The following OLFM2 variants were observed in gnomAD, a reference collection of about 807,000 sequenced individuals.
OLFM2 encodes the protein noelin-2.
Under a neutral mutation model 43.9 loss-of-function variants are expected in OLFM2, and 20 were observed. That is an observed-to-expected ratio of 0.46 (90% CI 0.32 to 0.66). OLFM2 has a LOEUF of 0.66. Ranked by LOEUF, OLFM2 falls within the 30% of genes least tolerant of loss-of-function variation. OLFM2 has a pLI of 0.04. For synonymous variants in OLFM2, 268 were observed against 278.6 expected, an observed-to-expected ratio of 0.96 and a Z score of 0.38; for missense variants, 416 against 643.6, an observed-to-expected ratio of 0.65 and a Z score of 3.83.
intron 1 of OLFM2, among the ~76,000 whole-genome samples, chr19:9,878,600 T>C (rs2046512556): frequency 1.3e-5 from 2 of 152,160 alleles, no homozygotes; most frequent in Admixed American, 1.3e-4. Flanking sequence ...GAGATGACCC[T>C]GTCGGCATTT....
chr19:9,904,945 G>A (rs867993811), intron 1 of OLFM2, among the ~76,000 whole-genome samples: 1 of 152,014 alleles, frequency 6.6e-6, no homozygotes, highest in Non-Finnish European at 1.5e-5. Context: ...CTTGAACACA[G>A]GACGTCGAGG....
chr19:9,913,309 G>A (rs369890578), intron 1 of OLFM2, among the ~76,000 whole-genome samples: 2 of 152,092 alleles, frequency 1.3e-5, no homozygotes, highest in Non-Finnish European at 2.9e-5. Context: ...CTGCCTCCAC[G>A]TCCGACCCTG....
chr19:9,901,000 G>GGAA (rs2046731116), intron 1 of OLFM2, among the ~76,000 whole-genome samples: 1 of 23,772 alleles, frequency 4.2e-5, no homozygotes, highest in African/African-American at 2.6e-4. Flanking sequence ...GGGAGGGAGG[G>GGAA]GGGAGGGAGG....
intron 1 of OLFM2, among the ~76,000 whole-genome samples, chr19:9,911,553 C>T (rs967871241): frequency 6.6e-6 from 1 of 152,002 alleles, no homozygotes; most frequent in African/African-American, 2.4e-5. Flanking sequence ...ACAAGGCAGG[C>T]ACACACACAC....
chr19:9,859,905 G>T (rs1363959524), intron 2 of OLFM2, among the ~76,000 whole-genome samples: 1 of 152,172 alleles, frequency 6.6e-6, no homozygotes, highest in African/African-American at 2.4e-5. Context: ...ACTTTGGGAG[G>T]CCAAGACAGG....
At chr19:9,910,682 C>T (rs978774930) in intron 1 of OLFM2, among the ~76,000 whole-genome samples, 1 of 151,868 alleles carries the variant, frequency 6.6e-6, no homozygotes, top group South Asian at 2.1e-4. Context: ...ATGGATAATG[C>T]ATGCATGGAG....
chr19:9,855,956 T>G (rs1222316443), intron 5 of OLFM2, among the ~76,000 whole-genome samples: 2 of 152,194 alleles, frequency 1.3e-5, no homozygotes, highest in African/African-American at 4.8e-5. Context: ...ATTGGGTGGT[T>G]AGTGGTCACT....
chr19:9,878,443 G>A (rs1466804098), intron 1 of OLFM2, among the ~76,000 whole-genome samples: 3 of 130,310 alleles, frequency 2.3e-5, no homozygotes, highest in East Asian at 2.3e-4. Flanking sequence ...GGGCTGGAGT[G>A]CAATGGCACA....
chr19:9,927,842 A>T (rs1029109488), intron 1 of OLFM2, among the ~76,000 whole-genome samples: 3 of 151,954 alleles, frequency 2.0e-5, no homozygotes, highest in Admixed American at 6.6e-5. Context: ...GAGGCGGATC[A>T]CTTGAGGTCA....
Position 9,859,305 on chromosome 19 carries a change from T to TTTTATTTATTTA in OLFM2, c.213+1328_213+1339dup, listed in dbSNP as rs71188843. On this transcript the variant is annotated intron_variant, in intron 2 of 5. Coordinates refer to ENST00000264833, the MANE Select transcript of OLFM2 (RefSeq NM_058164.4). ...ATTCCAGAAATCAACAATTTGTAAG[T>TTTTATTTATTTA]TTTATTTATTTATTTATTTATTTAT... Among the ~76,000 whole-genome samples, 119 of 150,256 alleles carry TTTTATTTATTTA rather than the reference T, an allele frequency of 7.9e-4. 1 individual carries two copies. Among genetic ancestry groups the TTTTATTTATTTA allele is most frequent in the Middle Eastern group, 3.4e-3 (1 of 290 alleles).
intron 1 of OLFM2, among the ~76,000 whole-genome samples, chr19:9,908,315 C>T (rs1372505935): frequency 6.6e-6 from 1 of 151,302 alleles, no homozygotes; most frequent in Non-Finnish European, 1.5e-5. Context: ...TCCTCTTTTT[C>T]TTTTTTTTGA....
chr19:9,894,726 A>T (rs1034000568), intron 1 of OLFM2, among the ~76,000 whole-genome samples: 28 of 152,072 alleles, frequency 1.8e-4, no homozygotes, highest in Non-Finnish European at 2.9e-4. Flanking sequence ...ATAAAAAATT[A>T]AAAAAATACA....
intron 1 of OLFM2, among the ~76,000 whole-genome samples, chr19:9,924,581 A>G (rs1458421632): frequency 2.0e-5 from 3 of 152,122 alleles, no homozygotes; most frequent in Admixed American, 1.3e-4. Flanking sequence ...CAGTCACCCA[A>G]CCCTGTTGAG....
rs1568366349 is a variant in OLFM2 at position 9,857,728 on chromosome 19, GCCGAGAGGGA to G, written c.337_346del (p.Ser113ProfsTer7). ...AGGAGGACCCACCTGGAAGCTCTTG[GCCGAGAGGGA>G]CCCATCAGCTGCCCGGAGCCGCGCA... On this transcript the variant is annotated frameshift_variant, in exon 3 of 6. Coordinates refer to ENST00000264833, the MANE Select transcript of OLFM2 (RefSeq NM_058164.4). LOFTEE classifies it high-confidence loss of function. This position sits in a 1 kb window ranked among gnomAD's most constrained non-coding sequence, Gnocchi z 5.7. 4.3e-6 allele frequency: 7 copies of G among 1,614,152 alleles called. No homozygotes were observed. Among genetic ancestry groups the G allele is most frequent in the Non-Finnish European group, 5.9e-6 (7 of 1,180,024 alleles).
At chr19:9,915,880 A>G (rs1421956900) in intron 1 of OLFM2, among the ~76,000 whole-genome samples, 1 of 152,208 alleles carries the variant, frequency 6.6e-6, no homozygotes, top group Non-Finnish European at 1.5e-5. Flanking sequence ...ATCTAGGGGA[A>G]GAGAGTTCCA....
intron 1 of OLFM2, among the ~76,000 whole-genome samples, chr19:9,872,674 T>C (rs540942877): frequency 3.3e-4 from 50 of 152,242 alleles, no homozygotes; most frequent in Middle Eastern, 6.8e-3. Flanking sequence ...ACATATTCAT[T>C]CATCCATCCA....
chr19:9,874,642 G>A lies in OLFM2; in HGVS notation c.64-13848C>T, dbSNP rs546234752. On this transcript the variant is annotated intron_variant, in intron 1 of 5. Coordinates refer to ENST00000264833, the MANE Select transcript of OLFM2 (RefSeq NM_058164.4). ...ACTACAGGTGTGCACCACCATGCCT[G>A]GCTAACTTTTCTATTTTTAGTAGAG... is the stretch of plus-strand genomic sequence containing the variant. 1.1e-4 allele frequency among the ~76,000 whole-genome samples: 17 copies of A among 152,014 alleles called. No individual in the cohort carries two copies. In the East Asian group the frequency reaches 3.3e-3, roughly 29 times the overall value.
chr19:9,900,879 A>C (rs1370421937), intron 1 of OLFM2, among the ~76,000 whole-genome samples: 2 of 140,872 alleles, frequency 1.4e-5, no homozygotes, highest in Admixed American at 1.4e-4. Flanking sequence ...TGACAGAGCA[A>C]GACCTTGTTT....
intron 1 of OLFM2, among the ~76,000 whole-genome samples, chr19:9,919,176 C>CTTTCTTTTTT (rs1555728852): frequency 7.4e-5 from 11 of 149,168 alleles, no homozygotes; most frequent in Non-Finnish European, 1.0e-4. Flanking sequence ...ATTTCTCTCT[C>CTTTCTTTTTT]TTTTTTTTGA....
Sources: gnomAD v4.1 joint callset for allele counts (sites outside exome capture counted in the v4.1 genomes callset) on GRCh38, gnomAD v4.1.1 for gene constraint, Gnocchi (gnomAD v3.1) non-coding constraint, MANE v1.5 for transcripts, NCBI Gene and HGNC (gene_info 2026-07-23, HGNC 2026-07-21) for gene names.